The following EPB41L4A variants were observed in gnomAD, a reference collection of about 807,000 sequenced individuals.
The protein encoded by EPB41L4A is erythrocyte membrane protein band 4.1 like 4A.
Under a neutral mutation model 108.6 loss-of-function variants are expected in EPB41L4A, and 100 were observed. The observed-to-expected ratio is 0.92, with a 90% CI of 0.78 to 1.09. EPB41L4A has a LOEUF of 1.09. Among genes scored for constraint, EPB41L4A ranks in the 50% least tolerant of loss-of-function variants. EPB41L4A has a pLI of 0.00. For missense variants in EPB41L4A, 1,030 were observed against 842.7 expected (o/e 1.22, Z -2.75); for synonymous variants, 319 against 289.0 (o/e 1.10, Z -1.05).
chr5:112,350,818 C>G (rs1757995421), intron 1 of EPB41L4A, among the ~76,000 whole-genome samples: 1 of 152,174 alleles, frequency 6.6e-6, no homozygotes, highest in East Asian at 1.9e-4. Flanking sequence ...TTTTTTATAG[C>G]TGAATAGTAT....
chr5:112,225,528 G>A (rs1316076144), intron 12 of EPB41L4A, among the ~76,000 whole-genome samples: 2 of 152,124 alleles, frequency 1.3e-5, no homozygotes, highest in African/African-American at 4.8e-5. Flanking sequence ...AATCTGTAGG[G>A]CTTTTGAAAA....
chr5:112,149,826 G>T (rs1056242338), intron 12 of EPB41L4A, among the ~76,000 whole-genome samples: 21 of 152,302 alleles, frequency 1.4e-4, no homozygotes, highest in African/African-American at 5.1e-4. Flanking sequence ...GCAAGTTCTG[G>T]AGCTGGGATT....
chr5:112,266,964 T>G (rs550760494), intron 4 of EPB41L4A, among the ~76,000 whole-genome samples: 1 of 152,334 alleles, frequency 6.6e-6, no homozygotes. Context: ...ATTGTGCAGA[T>G]GAGAAAACTG....
At chr5:112,331,731 T>C (rs532878193) in intron 1 of EPB41L4A, among the ~76,000 whole-genome samples, 3 of 151,994 alleles carry the variant, frequency 2.0e-5, no homozygotes, top group Admixed American at 6.6e-5. Flanking sequence ...GCTGATGGAG[T>C]TGGGAGGCAA....
At chr5:112,354,424 TAAGAC>T (rs757159586) in intron 1 of EPB41L4A, among the ~76,000 whole-genome samples, 13 of 152,126 alleles carry the variant, frequency 8.5e-5, no homozygotes, top group Non-Finnish European at 1.3e-4. Context: ...CAGATAGTGA[TAAGAC>T]AAGAAAATAT....
At chr5:112,166,534 G>A (rs573472703) in intron 22 of EPB41L4A, among the ~76,000 whole-genome samples, 2 of 152,008 alleles carry the variant, frequency 1.3e-5, no homozygotes, top group African/African-American at 2.4e-5. Flanking sequence ...CACATGGCTA[G>A]CTCCTCACCT....
intron 18 of EPB41L4A, among the ~76,000 whole-genome samples, chr5:112,177,348 T>C (rs1300949514): frequency 2.0e-5 from 3 of 152,232 alleles, no homozygotes; most frequent in African/African-American, 7.2e-5. Context: ...CTTCCTCTTC[T>C]GTCACCTCTT....
intron 1 of EPB41L4A, among the ~76,000 whole-genome samples, chr5:112,359,953 T>C (rs444205): frequency 0.44 from 66,804 of 152,108 alleles, 15,842 homozygotes; most frequent in South Asian, 0.59. Context: ...AACAAAATTT[T>C]CATCAGAACT....
In EPB41L4A at chr5:112,168,705, T is replaced by A. The variant is rs773955133; in HGVS notation, c.1932+34A>T. The A allele has an allele frequency of 6.4e-6, 10 of 1,562,766 alleles. No individual in the cohort carries two copies. The East Asian group carries it at 2.2e-4, about 35-fold the overall frequency. ...AAATGCTTCTCAAAATTGTCATCAA[T>A]ACAACACCTTCTTCAAACCTTACTA... On this transcript the variant is annotated intron_variant, in intron 22 of 22. Transcript: ENST00000261486.
chr5:112,182,108 G>A (rs1229538668), intron 18 of EPB41L4A, among the ~76,000 whole-genome samples: 1 of 151,954 alleles, frequency 6.6e-6, no homozygotes, highest in African/African-American at 2.4e-5. Flanking sequence ...TGTGGGGGTG[G>A]GCACTGACTA....
At chr5:112,372,887 G>A (rs1375910210) in intron 1 of EPB41L4A, among the ~76,000 whole-genome samples, 1 of 152,204 alleles carries the variant, frequency 6.6e-6, no homozygotes. Flanking sequence ...GGTGGAAGCA[G>A]AGATAGAGAG....
At chr5:112,160,029 G>A (rs1759797816), downstream of EPB41L4A, among the ~76,000 whole-genome samples, 2 of 142,080 alleles carry the variant, frequency 1.4e-5, no homozygotes, top group Non-Finnish European at 3.0e-5. Context: ...TCCTGCCTCA[G>A]CCTCCCAAGT....
chr5:112,352,426 A>G (rs775837994), intron 1 of EPB41L4A, among the ~76,000 whole-genome samples: 12 of 152,164 alleles, frequency 7.9e-5, no homozygotes, highest in Non-Finnish European at 1.6e-4. Flanking sequence ...AAAGCTCCTC[A>G]TGTTATTGAT....
chr5:112,266,425 T>C, intron 4 of EPB41L4A, 95 bp from the exon 5 acceptor site: 2 of 787,802 alleles, frequency 2.5e-6, no homozygotes, highest in Non-Finnish European at 4.0e-6. Flanking sequence ...ACCAATCACC[T>C]TCAATTAAAA....
chr5:112,261,913 G>A (rs1425591706), intron 7 of EPB41L4A, among the ~76,000 whole-genome samples: 2 of 125,206 alleles, frequency 1.6e-5, no homozygotes, highest in Non-Finnish European at 3.3e-5. Context: ...TTTTTGAGAT[G>A]GGGTCTTGCT....
chr5:112,152,936 G>A (rs1232402409), intron 12 of EPB41L4A, among the ~76,000 whole-genome samples: 3 of 152,134 alleles, frequency 2.0e-5, no homozygotes. Flanking sequence ...AATATATACA[G>A]GGCCAGGTGC....
chr5:112,243,306 T>C (rs1749954699), intron 9 of EPB41L4A, among the ~76,000 whole-genome samples: 1 of 151,504 alleles, frequency 6.6e-6, no homozygotes, highest in African/African-American at 2.4e-5. Flanking sequence ...GTTTGTTTGT[T>C]TGTTTCCTAA....
At chr5:112,396,247 AT>A (rs1761343321) in intron 1 of EPB41L4A, among the ~76,000 whole-genome samples, 1 of 152,188 alleles carries the variant, frequency 6.6e-6, no homozygotes, top group African/African-American at 2.4e-5. Flanking sequence ...TTAAAGTATA[AT>A]TAAAAAAAAT....
At chr5:112,173,183 C>G (rs931569824) in intron 18 of EPB41L4A, among the ~76,000 whole-genome samples, 8 of 152,134 alleles carry the variant, frequency 5.3e-5, no homozygotes, top group African/African-American at 1.9e-4. Flanking sequence ...GACAGTACAG[C>G]AGAACCTAAA....
Sources: gnomAD v4.1 joint callset for allele counts (sites outside exome capture counted in the v4.1 genomes callset) on GRCh38, gnomAD v4.1.1 for gene constraint, MANE v1.5 for transcripts, NCBI Gene and HGNC (gene_info 2026-07-23, HGNC 2026-07-21) for gene names.